TAS2R46: variants seen among roughly 807,000 people sequenced by gnomAD.
TAS2R46 encodes the protein taste receptor type 2 member 46.
For missense variants in TAS2R46, 361 were observed against 347.4 expected (o/e 1.04, Z -0.31); for synonymous variants, 123 against 121.8 (o/e 1.01, Z -0.07).
chr12:11,062,210 A>T lies in TAS2R46; in HGVS notation c.85T>A (p.Leu29Met), dbSNP rs777802835. 6.2e-7 allele frequency: 1 copy of T among 1,613,430 alleles called. No homozygotes were observed. The highest frequency in any genetic ancestry group is 8.5e-7 in the Non-Finnish European group (1 of 1,179,624). Reference sequence around the variant, plus strand: ...TTGAACCACTCAATGGAATTTACCAATGCTATGAAGCCATTAGCAAAATTT... The same window carrying T: ...TTGAACCACTCAATGGAATTTACCATTGCTATGAAGCCATTAGCAAAATTT... ...IGNFANGFIA[L>M]VNSIEWFKRQ... Residue 29 changes from leucine (L) to methionine (M), a missense_variant, in exon 1 of 1, where the codon TTG becomes ATG. Coordinates refer to ENST00000533467, the MANE Select transcript of TAS2R46 (RefSeq NM_176887.2).
the TAS2R46 span, chr12:11,062,004 C>T: frequency 1.9e-6 from 3 of 1,613,636 alleles, no homozygotes; most frequent in East Asian, 6.7e-5. Context: ...TAGTAGCAAG[C>T]CAGTTGCTGA....
chr12:11,061,428 A>C lies in TAS2R46; in HGVS notation c.867T>G (p.Thr289=). The part of the protein sequence containing the change: ...LIWGNKKLKQ[T]FLSVLWHVRY... ...TCACATGCCACAAAACTGAAAGAAA[A>C]GTCTGCTTTAGCTTCTTGTTTCCCC... is the stretch of plus-strand genomic sequence containing the variant. The change falls in exon 1 of 1, where the codon ACT becomes ACG. Residue 289 remains threonine, a synonymous_variant. Coordinates refer to ENST00000533467, the MANE Select transcript of TAS2R46 (RefSeq NM_176887.2). 1.2e-6 allele frequency: 2 copies of C among 1,614,086 alleles called. No individual in the cohort carries two copies. The highest frequency in any genetic ancestry group is 1.7e-6 in the Non-Finnish European group (2 of 1,179,942).
In TAS2R46 at chr12:11,062,253, C is replaced by A. The variant is rs1232692347; in HGVS notation, c.42G>T (p.Val14=). ...CAAAATTTCCAATCACAAATGTAAC[C>A]ACTATTAGAATGGAAAAAATGATGG... is the stretch of plus-strand genomic sequence containing the variant. The part of the protein sequence containing the change: ...FLPIIFSILI[V]VTFVIGNFAN... Residue 14 remains valine, a synonymous_variant, in exon 1 of 1, where the codon GTG becomes GTT. Transcript: ENST00000533467. The A allele has an allele frequency of 6.2e-7, 1 of 1,612,896 alleles. No homozygotes were observed. Among genetic ancestry groups the A allele is most frequent in the East Asian group, 2.2e-5 (1 of 44,864 alleles).
chr12:11,062,039 T>C lies in TAS2R46; in HGVS notation c.256A>G (p.Asn86Asp). The change falls in exon 1 of 1, where the codon AAT becomes GAT. Residue 86 changes from asparagine to aspartate, a missense_variant. Physicochemically the swap from Asn to Asp is conservative, Grantham distance 23. Coordinates refer to ENST00000533467, the MANE Select transcript of TAS2R46 (RefSeq NM_176887.2). The part of the protein sequence containing the change: ...NSIEVRITAY[N>D]VWAVINHFSN... ...AAATGGTTGATTACTGCCCAGACATTGTAAGCAGTAATTCTTACTTCTATA... is the reference window on the plus strand; with the variant it reads ...AAATGGTTGATTACTGCCCAGACATCGTAAGCAGTAATTCTTACTTCTATA... The C allele has an allele frequency of 1.2e-6, 2 of 1,610,844 alleles. No homozygotes were observed. Among genetic ancestry groups the C allele is most frequent in the South Asian group, 1.1e-5 (1 of 91,024 alleles).
At position 11,061,498 on chromosome 12, in the gene TAS2R46, G is replaced by A; in HGVS notation, c.797C>T (p.Ala266Val). The A allele has an allele frequency of 6.2e-7, 1 of 1,614,154 alleles. No homozygotes were observed. Reference sequence around the variant, plus strand: ...GGTTGAAGGATAGCTGAATGCAATAGCTTCGCAGAACATGAAGACAGGTTT... The same window carrying A: ...GGTTGAAGGATAGCTGAATGCAATAACTTCGCAGAACATGAAGACAGGTTT... ...ENKPVFMFCE[A>V]IAFSYPSTHP... Residue 266 changes from alanine to valine, a missense_variant, in exon 1 of 1, where the codon GCT (alanine) becomes GTT (valine). Physicochemically the swap from Ala to Val is moderately conservative, Grantham distance 64. Transcript: ENST00000533467.
Position 11,061,495 on chromosome 12 carries a change from A to G in TAS2R46, c.800T>C (p.Ile267Thr). ...NKPVFMFCEA[I>T]AFSYPSTHPF... Reference sequence around the variant, plus strand: ...GTGGGTTGAAGGATAGCTGAATGCAATAGCTTCGCAGAACATGAAGACAGG... The same window carrying G: ...GTGGGTTGAAGGATAGCTGAATGCAGTAGCTTCGCAGAACATGAAGACAGG... Residue 267 changes from isoleucine (I) to threonine (T), a missense_variant, in exon 1 of 1, where the codon ATT becomes ACT. Ile to Thr is a moderately conservative substitution (Grantham distance 89). Coordinates refer to ENST00000533467, the MANE Select transcript of TAS2R46 (RefSeq NM_176887.2). 1.2e-6 allele frequency: 2 copies of G among 1,614,178 alleles called. No individual in the cohort carries two copies. The highest frequency in any genetic ancestry group is 1.7e-6 in the Non-Finnish European group (2 of 1,179,980).
rs575651270 is a variant in TAS2R46, at chr12:11,062,115, C to A, written c.180G>T (p.Trp60Cys). Residue 60 changes from tryptophan (W) to cysteine (C), a missense_variant, in exon 1 of 1, where the codon TGG (tryptophan) becomes TGT (cysteine). By Grantham distance (215) the Trp-to-Cys change is radical (BLOSUM62 -2). Transcript: ENST00000533467. Reference sequence around the variant, plus strand: ...TTGCATACCAATTTAATACTAATACCCAGAGTAAACCAACTCTGGAGACTG... The same window carrying A: ...TTGCATACCAATTTAATACTAATACACAGAGTAAACCAACTCTGGAGACTG... ...ALAVSRVGLL[W>C]VLVLNWYATE... is the part of the protein sequence containing the mutation. 1.2e-6 allele frequency: 2 copies of A among 1,613,368 alleles called. No individual in the cohort carries two copies. The highest frequency in any genetic ancestry group is 1.7e-6 in the Non-Finnish European group (2 of 1,179,750).
Position 11,062,257 on chromosome 12 carries a change from A to G in TAS2R46, c.38T>C (p.Ile13Thr). The change falls in exon 1 of 1, where the codon ATA becomes ACA. Residue 13 changes from isoleucine to threonine, a missense_variant. Coordinates refer to ENST00000533467, the MANE Select transcript of TAS2R46 (RefSeq NM_176887.2). ...ATTTCCAATCACAAATGTAACCACT[A>G]TTAGAATGGAAAAAATGATGGGCAG... is the stretch of plus-strand genomic sequence containing the variant. The part of the protein sequence containing the change: ...TFLPIIFSIL[I>T]VVTFVIGNFA... 5 of 1,612,736 alleles carry G rather than the reference A, an allele frequency of 3.1e-6. No individual in the cohort carries two copies. The highest frequency in any genetic ancestry group is 2.5e-6 in the Non-Finnish European group (3 of 1,179,332).
At position 11,062,041 on chromosome 12, in the gene TAS2R46, T is replaced by C. The variant is rs191209206; in HGVS notation, c.254A>G (p.Tyr85Cys). The C allele has an allele frequency of 7.4e-6, 12 of 1,612,664 alleles. No homozygotes were observed. The South Asian group carries it at 1.3e-4, about 18-fold the overall frequency. The change falls in exon 1 of 1, where the codon TAC becomes TGC. Residue 85 changes from tyrosine to cysteine, a missense_variant. Transcript: ENST00000533467. ...FNSIEVRITA[Y>C]NVWAVINHFS... is the part of the protein sequence containing the mutation. ...ATGGTTGATTACTGCCCAGACATTG[T>C]AAGCAGTAATTCTTACTTCTATACT...
chr12:11,061,449 T>G lies in TAS2R46; in HGVS notation c.846A>C (p.Gly282=), dbSNP rs763206168. The stretch of plus-strand genomic sequence containing the variant: ...GAAAAGTCTGCTTTAGCTTCTTGTT[T>G]CCCCAAATCAGGATGAATGGGTGGG... ...PSTHPFILIW[G]NKKLKQTFLS... The change falls in exon 1 of 1, where the codon GGA becomes GGC. Residue 282 remains glycine (G), a synonymous_variant. Coordinates refer to ENST00000533467, the MANE Select transcript of TAS2R46 (RefSeq NM_176887.2). 6.2e-6 allele frequency: 10 copies of G among 1,614,164 alleles called. No individual in the cohort carries two copies. The South Asian group carries it at 1.1e-4, about 18-fold the overall frequency.
At position 11,062,125 on chromosome 12, in the gene TAS2R46, C is replaced by A. The variant is rs771301644; in HGVS notation, c.170G>T (p.Gly57Val). The A allele has an allele frequency of 4.3e-6, 7 of 1,613,594 alleles. No homozygotes were observed. Among genetic ancestry groups the A allele is most frequent in the African/African-American group, 1.3e-5 (1 of 74,968 alleles). Reference sequence around the variant, plus strand: ...ATTTAATACTAATACCCAGAGTAAACCAACTCTGGAGACTGCCAGAGCAGT... The same window carrying A: ...ATTTAATACTAATACCCAGAGTAAAACAACTCTGGAGACTGCCAGAGCAGT... ...ILTALAVSRV[G>V]LLWVLVLNWY... Residue 57 changes from glycine to valine, a missense_variant, in exon 1 of 1, where the codon GGT becomes GTT. Transcript: ENST00000533467.
Position 11,061,852 on chromosome 12 carries a change from T to G in TAS2R46, c.443A>C (p.Asn148Thr). The G allele has an allele frequency of 1.2e-6, 2 of 1,614,154 alleles. No individual in the cohort carries two copies. The highest frequency in any genetic ancestry group is 1.7e-6 in the Non-Finnish European group (2 of 1,179,994). ...LFLVCHLFVI[N>T]MNQIIWTKEY... Reference sequence around the variant, plus strand: ...TTTTGTCCATATAATCTGATTCATGTTTATCACAAAAAGATGACAAACCAA... The same window carrying G: ...TTTTGTCCATATAATCTGATTCATGGTTATCACAAAAAGATGACAAACCAA... The change falls in exon 1 of 1, where the codon AAC becomes ACC. Residue 148 changes from asparagine to threonine, a missense_variant. Coordinates refer to ENST00000533467, the MANE Select transcript of TAS2R46 (RefSeq NM_176887.2).
In TAS2R46 at chr12:11,061,503, G is replaced by A. The variant is rs561938546; in HGVS notation, c.792C>T (p.Cys264=). Residue 264 remains cysteine (C), a synonymous_variant, in exon 1 of 1, where the codon TGC becomes TGT. Transcript: ENST00000533467. ...AAGGATAGCTGAATGCAATAGCTTC[G>A]CAGAACATGAAGACAGGTTTGTTTT... ...SLENKPVFMF[C]EAIAFSYPST... 7.3e-5 allele frequency: 118 copies of A among 1,614,096 alleles called. No homozygotes were observed. The highest frequency in any genetic ancestry group is 8.9e-5 in the East Asian group (4 of 44,882).
rs1393794226 is a variant in TAS2R46, at chr12:11,061,533, A to G, written c.762T>C (p.Ser254=). 1.2e-6 allele frequency: 2 copies of G among 1,614,006 alleles called. No individual in the cohort carries two copies. Among genetic ancestry groups the G allele is most frequent in the African/African-American group, 2.7e-5 (2 of 74,926 alleles). The stretch of plus-strand genomic sequence containing the variant: ...ACATGAAGACAGGTTTGTTTTCCAG[A>G]CTCTCAAAACTCCAAACTGACATGA... ...SIIMSVWSFE[S]LENKPVFMFC... Residue 254 remains serine (S), a synonymous_variant, in exon 1 of 1, where the codon AGT becomes AGC. Coordinates refer to ENST00000533467, the MANE Select transcript of TAS2R46 (RefSeq NM_176887.2).
Position 11,061,724 on chromosome 12 carries a change from T to C in TAS2R46, c.571A>G (p.Thr191Ala), listed in dbSNP as rs753885617. 1 of 1,614,142 alleles carries C rather than the reference T, an allele frequency of 6.2e-7. No homozygotes were observed. Among genetic ancestry groups the C allele is most frequent in the South Asian group, 1.1e-5 (1 of 91,078 alleles). ...ATTAACAGCAGAAAAGATATCAGGG[T>C]CAGAGTGAAGGGAACTAAGTTTGCT... ...ILANLVPFTL[T>A]LISFLLLICS... The change falls in exon 1 of 1, where the codon ACC becomes GCC. Residue 191 changes from threonine (T) to alanine (A), a missense_variant. Coordinates refer to ENST00000533467, the MANE Select transcript of TAS2R46 (RefSeq NM_176887.2).
At chr12:11,061,380 C>CT in the TAS2R46 span, 1 of 1,613,162 alleles carries the variant, frequency 6.2e-7, no homozygotes, top group Non-Finnish European at 8.5e-7. Flanking sequence ...AAGATGAAGG[C>CT]TTCTCTCCTT....
chr12:11,061,651 C>A lies in TAS2R46; in HGVS notation c.644G>T (p.Gly215Val), dbSNP rs748540248. Residue 215 changes from glycine to valine, a missense_variant, in exon 1 of 1, where the codon GGA (glycine) becomes GTA (valine). Coordinates refer to ENST00000533467, the MANE Select transcript of TAS2R46 (RefSeq NM_176887.2). ...GACCTTCATGCTGGGATCTTGAGATCCTTTGCCATGGAGCTGCATCTTTTT... is the reference window on the plus strand; with the variant it reads ...GACCTTCATGCTGGGATCTTGAGATACTTTGCCATGGAGCTGCATCTTTTT... Reference protein sequence around the residue: ...HLKKMQLHGKGSQDPSMKVHI... With the variant: ...HLKKMQLHGKVSQDPSMKVHI... 2.5e-6 allele frequency: 4 copies of A among 1,613,988 alleles called. No homozygotes were observed. In the East Asian group the frequency reaches 6.7e-5, roughly 27 times the overall value.
At position 11,062,164 on chromosome 12, in the gene TAS2R46, G is replaced by A. The variant is rs1459332408; in HGVS notation, c.131C>T (p.Ala44Val). The change falls in exon 1 of 1, where the codon GCT (alanine) becomes GTT (valine). Residue 44 changes from alanine to valine, a missense_variant. By Grantham distance (64) the Ala-to-Val change is moderately conservative. Coordinates refer to ENST00000533467, the MANE Select transcript of TAS2R46 (RefSeq NM_176887.2). ...TGCCAGAGCAGTGAGAATTTGGTCA[G>A]CAAAAGAGATCTTTTGTCTCTTGAA... ...EWFKRQKISFADQILTALAVS... is the reference protein window; with the variant it reads ...EWFKRQKISFVDQILTALAVS... 2 of 1,613,614 alleles carry A rather than the reference G, an allele frequency of 1.2e-6. No individual in the cohort carries two copies. Among genetic ancestry groups the A allele is most frequent in the South Asian group, 2.2e-5 (2 of 91,062 alleles).
At position 11,062,213 on chromosome 12, in the gene TAS2R46, C is replaced by T; in HGVS notation, c.82G>A (p.Ala28Thr). The part of the protein sequence containing the change: ...VIGNFANGFI[A>T]LVNSIEWFKR... ...AACCACTCAATGGAATTTACCAATG[C>T]TATGAAGCCATTAGCAAAATTTCCA... Residue 28 changes from alanine (A) to threonine (T), a missense_variant, in exon 1 of 1, where the codon GCA (alanine) becomes ACA (threonine). Physicochemically the swap from Ala to Thr is moderately conservative, Grantham distance 58 (BLOSUM62 0). Transcript: ENST00000533467. The T allele has an allele frequency of 1.9e-6, 3 of 1,613,230 alleles. No individual in the cohort carries two copies. Among genetic ancestry groups the T allele is most frequent in the Admixed American group, 1.7e-5 (1 of 59,866 alleles).
Sources: allele counts gnomAD v4.1 joint callset, GRCh38; gene constraint gnomAD v4.1.1; transcripts MANE v1.5; gene names NCBI Gene and HGNC (gene_info 2026-07-23, HGNC 2026-07-21).